The following ZDHHC15 variants were observed in gnomAD, a reference collection of about 807,000 sequenced individuals.
ZDHHC15 encodes the protein palmitoyltransferase ZDHHC15.
A neutral mutation model predicts 31.7 loss-of-function variants in ZDHHC15; 19 were observed. The observed-to-expected ratio is 0.60, with a 90% CI of 0.42 to 0.88. The LOEUF (loss-of-function observed/expected upper bound fraction) is 0.88, where lower values mean the gene tolerates loss of function less well. ZDHHC15 is among the 40% of genes least tolerant of loss of function. The pLI is 0.00. For missense variants in ZDHHC15, 209 were observed against 251.2 expected (o/e 0.83, Z 1.14); for synonymous variants, 103 against 90.0 (o/e 1.14, Z -0.82).
intron 4 of ZDHHC15, among the ~76,000 whole-genome samples, chrX:75,449,672 A>C (rs183128951): frequency 8.9e-6 from 1 of 112,338 alleles, no homozygotes; most frequent in Admixed American, 9.5e-5. Flanking sequence ...AATTTCCCCC[A>C]TTGCCATATA....
At chrX:75,492,966 AT>A (rs1401305941) in intron 2 of ZDHHC15, among the ~76,000 whole-genome samples, 1 of 112,042 alleles carries the variant, frequency 8.9e-6, no homozygotes, top group Non-Finnish European at 1.9e-5. Context: ...AGACAAAAAA[AT>A]CCTTCAAAAA....
At chrX:75,466,453 G>T (rs1602675005) in intron 3 of ZDHHC15, among the ~76,000 whole-genome samples, 1 of 111,493 alleles carries the variant, frequency 9.0e-6, no homozygotes, top group African/African-American at 3.3e-5. Flanking sequence ...TATACCCAAA[G>T]AAATATAAAT....
chrX:75,413,500 T>C (rs1019931817), intron 10 of ZDHHC15, among the ~76,000 whole-genome samples: 2 of 110,704 alleles, frequency 1.8e-5, no homozygotes, highest in Admixed American at 1.9e-4. Flanking sequence ...ACCCCAACTC[T>C]ACTAAAAATA....
rs2082985734 is a variant in ZDHHC15 at position 75,369,336 on chromosome X, TG to T, written c.*3641del. 3 of 110,771 alleles carry T rather than the reference TG, an allele frequency of 2.7e-5. No individual in the cohort carries two copies. Among genetic ancestry groups the T allele is most frequent in the Non-Finnish European group, 5.7e-5 (3 of 52,877 alleles). 9.1% of individuals were successfully genotyped at this position (110,771 alleles called of 1,213,427 possible). On this transcript the variant is annotated 3_prime_UTR_variant, in exon 12 of 12. Transcript: ENST00000373367. ...GTGTATGTGTGTGTGTGTGTGTGTG[TG>T]TGTGTGTGTACATGTGCATACATGT...
chrX:75,398,980 G>C (rs1029669165), intron 10 of ZDHHC15, among the ~76,000 whole-genome samples: 5 of 112,129 alleles, frequency 4.5e-5, no homozygotes, highest in African/African-American at 1.6e-4. Context: ...CAACAGGTCT[G>C]TAACTCCCTG....
chrX:75,501,708 GC>G (rs2085089834), intron 2 of ZDHHC15: 1 of 110,239 alleles, frequency 9.1e-6, no homozygotes, highest in South Asian at 4.0e-4. Context: ...GTGATATTGA[GC>G]TTTTATTCAC....
intron 3 of ZDHHC15, among the ~76,000 whole-genome samples, chrX:75,476,108 GGTTTTACAT>G (rs2084600270): frequency 9.0e-6 from 1 of 111,154 alleles, no homozygotes. Context: ...TTTATAATAG[GGTTTTACAT>G]GTGGAATATT....
At chrX:75,454,138 C>A (rs767780095) in intron 3 of ZDHHC15, among the ~76,000 whole-genome samples, 6 of 111,748 alleles carry the variant, frequency 5.4e-5, no homozygotes, top group Non-Finnish European at 9.4e-5. Context: ...ATTTAGAAAA[C>A]CCCATCGTCT....
At chrX:75,497,517 C>T (rs1381093022) in intron 2 of ZDHHC15, among the ~76,000 whole-genome samples, 1 of 110,901 alleles carries the variant, frequency 9.0e-6, no homozygotes, top group Non-Finnish European at 1.9e-5. Context: ...CAGGAAAGGA[C>T]ATAACAAAAA....
At chrX:75,480,801 A>C (rs2084677565) in intron 2 of ZDHHC15, among the ~76,000 whole-genome samples, 1 of 111,743 alleles carries the variant, frequency 8.9e-6, no homozygotes, top group Non-Finnish European at 1.9e-5. Context: ...TCAATGAATA[A>C]TTTTTATATA....
At chrX:75,517,243 A>G (rs1170894908) in intron 1 of ZDHHC15, among the ~76,000 whole-genome samples, 1 of 111,822 alleles carries the variant, frequency 8.9e-6, no homozygotes, top group African/African-American at 3.3e-5. Flanking sequence ...CTGGGAATAT[A>G]CCCAAAGGAT....
chrX:75,459,958 C>T, intron 3 of ZDHHC15, among the ~76,000 whole-genome samples: 1 of 112,192 alleles, frequency 8.9e-6, no homozygotes, highest in Non-Finnish European at 1.9e-5. Context: ...TCACTGCAAC[C>T]TCTGCCTCCC....
intron 10 of ZDHHC15, among the ~76,000 whole-genome samples, chrX:75,403,260 C>G (rs780705633): frequency 9.0e-6 from 1 of 111,553 alleles, no homozygotes; most frequent in Non-Finnish European, 1.9e-5. Flanking sequence ...ATGACAAAGT[C>G]CCAGCCAACA....
chrX:75,371,555 G>A lies in ZDHHC15; in HGVS notation c.*1423C>T, dbSNP rs1353489496. On this transcript the variant is annotated 3_prime_UTR_variant, in exon 12 of 12. Coordinates refer to ENST00000373367, the MANE Select transcript of ZDHHC15 (RefSeq NM_144969.3). ...TCCACTGGAACCCCAACACTAAATT[G>A]TGGCAGGCAACTCTTTTTTACTCAA... is the stretch of plus-strand genomic sequence containing the variant. The A allele has an allele frequency of 9.0e-6, 1 of 111,676 alleles. No homozygotes were observed. The highest frequency in any genetic ancestry group is 2.8e-4 in the East Asian group (1 of 3,528). The allele number at this position is 111,676 out of a possible 1,213,427, so 9.2% of individuals were successfully genotyped here. A position where few individuals can be genotyped will look rare whatever the true frequency, so the allele number is the denominator to read the frequency against.
At chrX:75,440,901 C>T (rs1385870766) in intron 4 of ZDHHC15, among the ~76,000 whole-genome samples, 2 of 111,086 alleles carry the variant, frequency 1.8e-5, no homozygotes, top group Non-Finnish European at 3.8e-5. Flanking sequence ...AGTTATGTTC[C>T]CAGGAGGATT....
chrX:75,479,676 T>C (rs751257833), intron 2 of ZDHHC15, among the ~76,000 whole-genome samples: 4 of 111,204 alleles, frequency 3.6e-5, no homozygotes, highest in African/African-American at 9.8e-5. Context: ...CCCTCACCCA[T>C]ACCAGTCTCT....
At chrX:75,474,953 G>A (rs985761225) in intron 3 of ZDHHC15, among the ~76,000 whole-genome samples, 12 of 110,191 alleles carry the variant, frequency 1.1e-4, no homozygotes, top group Non-Finnish European at 1.7e-4. Flanking sequence ...CCAGCTACTC[G>A]GGAGGCTGAG....
At chrX:75,377,681 T>G (rs2083074837) in intron 11 of ZDHHC15, among the ~76,000 whole-genome samples, 1 of 110,337 alleles carries the variant, frequency 9.1e-6, no homozygotes, top group East Asian at 2.8e-4. Context: ...ATGGTCCTGA[T>G]AAGTATTGCA....
intron 10 of ZDHHC15, among the ~76,000 whole-genome samples, chrX:75,403,722 T>C (rs1468054019): frequency 8.9e-6 from 1 of 111,883 alleles, no homozygotes; most frequent in Non-Finnish European, 1.9e-5. Context: ...CTCAAAGAAA[T>C]TAGAGAAGAC....
Sources: allele counts gnomAD v4.1 joint callset (sites outside exome capture counted in the v4.1 genomes callset), GRCh38; gene constraint gnomAD v4.1.1; transcripts MANE v1.5; gene names NCBI Gene and HGNC (gene_info 2026-07-23, HGNC 2026-07-21).